The following TNRC6B variants were observed in gnomAD, a reference collection of about 807,000 sequenced individuals.
TNRC6B encodes trinucleotide repeat-containing gene 6B protein.
A neutral mutation model predicts 203.6 loss-of-function variants in TNRC6B; 52 were observed. That is an observed-to-expected ratio of 0.26 (90% CI 0.20 to 0.32). TNRC6B has a LOEUF of 0.32. Ranked by LOEUF, TNRC6B falls within the 10% of genes least tolerant of loss-of-function variation. The pLI, the probability that TNRC6B is intolerant of heterozygous loss-of-function variation, is 1.00. For missense variants in TNRC6B, 1,923 were observed against 2,286.2 expected (o/e 0.84, Z 3.24); for synonymous variants, 838 against 845.7 (o/e 0.99, Z 0.16).
intron 1 of TNRC6B, among the ~76,000 whole-genome samples, chr22:40,224,319 T>G (rs1005097569): frequency 3.9e-5 from 6 of 152,206 alleles, no homozygotes; most frequent in Non-Finnish European, 7.4e-5. Context: ...TTCGTATACT[T>G]TGAATACTCT....
intron 1 of TNRC6B, among the ~76,000 whole-genome samples, chr22:40,056,148 C>G (rs995978043): frequency 6.6e-6 from 1 of 152,214 alleles, no homozygotes; most frequent in African/African-American, 2.4e-5. Flanking sequence ...CTCTAGCCAT[C>G]TTCCATTCTA....
At chr22:40,062,837 C>A (rs1466863336) in intron 1 of TNRC6B, among the ~76,000 whole-genome samples, 1 of 152,008 alleles carries the variant, frequency 6.6e-6, no homozygotes, top group African/African-American at 2.4e-5. Flanking sequence ...TATAATATTT[C>A]TTTATATATC....
At chr22:40,156,014 T>G (rs2146353208) in intron 3 of TNRC6B, 1 of 1,034,922 alleles carries the variant, frequency 9.7e-7, no homozygotes, top group Admixed American at 2.4e-5. Context: ...TGCACCACAG[T>G]GAAACGGCCC....
intron 3 of TNRC6B, among the ~76,000 whole-genome samples, chr22:40,131,468 A>G (rs2146329264): frequency 6.6e-6 from 1 of 151,564 alleles, no homozygotes; most frequent in East Asian, 1.9e-4. Context: ...AGACTGCTGT[A>G]AACAGATTAT....
chr22:40,046,535 C>T (rs530791935), intron 1 of TNRC6B, among the ~76,000 whole-genome samples: 2 of 152,124 alleles, frequency 1.3e-5, no homozygotes, highest in South Asian at 4.1e-4. Context: ...ATAGGAATTC[C>T]GTAGCTGCTT....
chr22:40,092,401 CA>C (rs552880025), intron 1 of TNRC6B, among the ~76,000 whole-genome samples: 6,484 of 112,678 alleles, frequency 0.058, 389 homozygotes, highest in African/African-American at 0.18. Context: ...GACTCTGTCT[CA>C]AAAAAAAAAA....
At chr22:40,101,478 T>G (rs1032864310) in intron 1 of TNRC6B, among the ~76,000 whole-genome samples, 4 of 152,182 alleles carry the variant, frequency 2.6e-5, no homozygotes, top group African/African-American at 9.6e-5. Context: ...GACCACACTT[T>G]GAGAACCATT....
At chr22:40,174,888 T>C (rs1338078128), upstream of TNRC6B, among the ~76,000 whole-genome samples, 1 of 152,096 alleles carries the variant, frequency 6.6e-6, no homozygotes, top group African/African-American at 2.4e-5. Flanking sequence ...TTTTAAAATA[T>C]TGTCTAATTG....
intron 4 of TNRC6B, among the ~76,000 whole-genome samples, chr22:40,161,426 T>A (rs2068870514): frequency 6.6e-6 from 1 of 152,210 alleles, no homozygotes; most frequent in Non-Finnish European, 1.5e-5. Context: ...ATTCTTGTAA[T>A]GATTAGGACT....
intron 1 of TNRC6B, among the ~76,000 whole-genome samples, chr22:40,075,780 A>T (rs2068008151): frequency 7.2e-6 from 1 of 139,450 alleles, no homozygotes; most frequent in Non-Finnish European, 1.5e-5. Flanking sequence ...TTTTACTTTT[A>T]TAACAGTTGC....
At chr22:40,162,186 TC>T (rs1448517622) in intron 4 of TNRC6B, among the ~76,000 whole-genome samples, 1 of 152,126 alleles carries the variant, frequency 6.6e-6, no homozygotes, top group Non-Finnish European at 1.5e-5. Context: ...AACCTCAACC[TC>T]CCAGGTTCAA....
chr22:40,103,138 T>C (rs896567562), intron 1 of TNRC6B, among the ~76,000 whole-genome samples: 1 of 151,372 alleles, frequency 6.6e-6, no homozygotes, highest in African/African-American at 2.4e-5. Flanking sequence ...CATGATGGCA[T>C]GTGCTTGTAT....
intron 1 of TNRC6B, among the ~76,000 whole-genome samples, chr22:40,075,137 CATAT>C (rs200861275): frequency 1.7e-5 from 1 of 59,782 alleles, no homozygotes; most frequent in Non-Finnish European, 2.9e-5. Flanking sequence ...TGGTTCTGTT[CATAT>C]ATATATATAT....
chr22:40,275,687 G>A (rs963436532), intron 7 of TNRC6B, among the ~76,000 whole-genome samples: 1 of 151,972 alleles, frequency 6.6e-6, no homozygotes, highest in Non-Finnish European at 1.5e-5. Flanking sequence ...AGCTGGCTGC[G>A]GTGGCTCATG....
At chr22:40,119,102 T>TTTGGCA (rs1330258535) in intron 2 of TNRC6B, among the ~76,000 whole-genome samples, 2 of 152,202 alleles carry the variant, frequency 1.3e-5, no homozygotes, top group East Asian at 3.9e-4. Context: ...TATTAACATA[T>TTTGGCA]TTGGCAATTT....
chr22:40,181,369 C>G (rs1472401662), intron 1 of TNRC6B, among the ~76,000 whole-genome samples: 1 of 152,170 alleles, frequency 6.6e-6, no homozygotes, highest in Non-Finnish European at 1.5e-5. Context: ...GCTCCTCACC[C>G]TACCCAGCTG....
At chr22:40,295,403 G>C (rs1470700975) in intron 12 of TNRC6B, among the ~76,000 whole-genome samples, 1 of 151,592 alleles carries the variant, frequency 6.6e-6, no homozygotes, top group Non-Finnish European at 1.5e-5. Flanking sequence ...GAGCCCGAGA[G>C]GTGGAGATTG....
At chr22:40,311,031 G>A (rs1300963235) in intron 17 of TNRC6B, 38 bp downstream of exon 17, 1 of 1,571,664 alleles carries the variant, frequency 6.4e-7, no homozygotes, top group African/African-American at 1.4e-5. Context: ...GATAGCATTT[G>A]TTTTGTAATT....
intron 1 of TNRC6B, among the ~76,000 whole-genome samples, chr22:40,077,922 C>T (rs2068032341): frequency 6.6e-6 from 1 of 152,210 alleles, no homozygotes; most frequent in African/African-American, 2.4e-5. Context: ...CTGTTTTTCA[C>T]TACATAGGTA....
Sources: allele counts gnomAD v4.1 joint callset (sites outside exome capture counted in the v4.1 genomes callset), GRCh38; gene constraint gnomAD v4.1.1; transcripts MANE v1.5; gene names NCBI Gene and HGNC (gene_info 2026-07-23, HGNC 2026-07-21).